ZCCHC2: variants seen among roughly 807,000 people sequenced by gnomAD.
The protein encoded by ZCCHC2 is zinc finger CCHC domain-containing protein 2.
Under a neutral mutation model 103.6 loss-of-function variants are expected in ZCCHC2, and 39 were observed. The ratio of observed to expected loss-of-function variants is 0.38; its 90% CI spans 0.29 to 0.49. The LOEUF is 0.49. Among genes scored for constraint, ZCCHC2 ranks in the 20% least tolerant of loss-of-function variants. ZCCHC2 has a pLI of 0.96. For missense variants in ZCCHC2, 1,483 were observed against 1,491.0 expected (o/e 0.99, Z 0.09); for synonymous variants, 687 against 608.9 (o/e 1.13, Z -1.89).
At chr18:62,540,544 A>G (rs1222665118) in intron 2 of ZCCHC2, among the ~76,000 whole-genome samples, 2 of 151,990 alleles carry the variant, frequency 1.3e-5, no homozygotes, top group Admixed American at 1.3e-4. Context: ...TTATATAATG[A>G]CCACTTCTAT....
intron 5 of ZCCHC2, 38 bp downstream of exon 5, chr18:62,550,498 C>A: frequency 6.5e-7 from 1 of 1,534,572 alleles, no homozygotes; most frequent in South Asian, 1.2e-5. Flanking sequence ...GCAGCATACA[C>A]ACAGGACAAA....
chr18:62,542,399 A>C (rs2145498023), intron 2 of ZCCHC2, 99 bp from the exon 3 acceptor site: 2 of 791,474 alleles, frequency 2.5e-6, no homozygotes, highest in East Asian at 2.7e-5. Flanking sequence ...TGAGTAGCTT[A>C]ATTGTTAAGC....
chr18:62,525,239 C>T (rs988252426), intron 1 of ZCCHC2: 1 of 152,204 alleles, frequency 6.6e-6, no homozygotes, highest in East Asian at 1.9e-4. Flanking sequence ...AGATGAGACA[C>T]TTGTCGCAAA....
chr18:62,577,385 C>T lies in ZCCHC2; in HGVS notation c.*806C>T, dbSNP rs1167833074. ...TTCAGAGAGACACAAAGTGAACACA[C>T]TGGTGTGAATGTCGCTCTCTGTGTG... On this transcript the variant is annotated 3_prime_UTR_variant, in exon 14 of 14. Transcript: ENST00000269499. 6 of 152,342 alleles carry T rather than the reference C, an allele frequency of 3.9e-5. No individual in the cohort carries two copies. The highest frequency in any genetic ancestry group is 1.4e-4 in the African/African-American group (6 of 41,564). 9.4% of individuals were successfully genotyped at this position (152,342 alleles called of 1,614,324 possible).
chr18:62,546,977 C>T (rs1915440433), intron 4 of ZCCHC2, among the ~76,000 whole-genome samples: 2 of 152,154 alleles, frequency 1.3e-5, no homozygotes, highest in South Asian at 4.1e-4. Context: ...TGATACTTTT[C>T]CAAGTTTACC....
chr18:62,567,537 C>T (rs953107569), intron 11 of ZCCHC2, among the ~76,000 whole-genome samples: 3 of 152,234 alleles, frequency 2.0e-5, no homozygotes, highest in African/African-American at 7.2e-5. Flanking sequence ...TGCCAGGACG[C>T]AGTCAGCGCC....
rs369578328 is a variant in ZCCHC2 at position 62,570,097 on chromosome 18, T to C, written c.1847-6T>C. On this transcript the variant is annotated splice_polypyrimidine_tract_variant and splice_region_variant and intron_variant, in intron 11 of 13. Transcript: ENST00000269499. ...TGATTTTTTAAAATAGTGTTGTTAT[T>C]TTTAGATGTGAATTTGGACATTGGC... 3.1e-6 allele frequency: 5 copies of C among 1,587,804 alleles called. No homozygotes were observed. The highest frequency in any genetic ancestry group is 4.3e-6 in the Non-Finnish European group (5 of 1,167,510).
chr18:62,567,289 CAT>C (rs1916410077), intron 11 of ZCCHC2, among the ~76,000 whole-genome samples: 1 of 152,136 alleles, frequency 6.6e-6, no homozygotes, highest in South Asian at 2.1e-4. Flanking sequence ...AACAACAGCT[CAT>C]ATCATAAATT....
chr18:62,539,864 A>T, intron 2 of ZCCHC2, 72 bp downstream of exon 2: 1 of 1,223,824 alleles, frequency 8.2e-7, no homozygotes, highest in Non-Finnish European at 1.2e-6. Context: ...TACGCTGATT[A>T]ACTCTAAACT....
intron 7 of ZCCHC2, 116 bp downstream of exon 7, chr18:62,558,886 C>T (rs1393780928): frequency 6.7e-6 from 4 of 597,178 alleles, no homozygotes; most frequent in Non-Finnish European, 1.1e-5. Context: ...GGTTGCATTA[C>T]AAATAAGTGG....
In ZCCHC2 at chr18:62,542,592, C is replaced by CA; in HGVS notation, c.1128+22dup. ...CTTTCAAAGTAAGCCATTTTCCCCACAAAAGATACCTCACGTGCTGTGCTC... is the reference window on the plus strand; with the variant it reads ...CTTTCAAAGTAAGCCATTTTCCCCACAAAAAGATACCTCACGTGCTGTGCTC... On this transcript the variant is annotated intron_variant, in intron 3 of 13. Coordinates refer to ENST00000269499, the MANE Select transcript of ZCCHC2 (RefSeq NM_017742.6). The CA allele has an allele frequency of 6.5e-7, 1 of 1,549,554 alleles. No individual in the cohort carries two copies.
intron 9 of ZCCHC2, among the ~76,000 whole-genome samples, chr18:62,563,690 A>C (rs1339963688): frequency 6.6e-6 from 1 of 152,228 alleles, no homozygotes; most frequent in East Asian, 1.9e-4. Flanking sequence ...TAAAAATTTT[A>C]AAAATAATAC....
downstream of ZCCHC2, chr18:62,581,994 A>G (rs1917048967): frequency 6.5e-6 from 1 of 155,022 alleles, no homozygotes; most frequent in South Asian, 1.8e-4. Context: ...GGCAGGAACA[A>G]AAACAGCAGT....
In ZCCHC2 at chr18:62,523,964, G is replaced by A; in HGVS notation, c.540G>A (p.Leu180=). ...GCCTCATCGTCTACCTGGCGCTGCT[G>A]GGCTCGGAGAACCGGGAGGCCGCTG... The part of the protein sequence containing the change: ...RSRLIVYLAL[L]GSENREAAGR... The change falls in exon 1 of 14, where the codon CTG becomes CTA. Residue 180 remains leucine (L), a synonymous_variant. Coordinates refer to ENST00000269499, the MANE Select transcript of ZCCHC2 (RefSeq NM_017742.6). The A allele has an allele frequency of 6.6e-7, 1 of 1,504,012 alleles. No homozygotes were observed. Among genetic ancestry groups the A allele is most frequent in the South Asian group, 1.3e-5 (1 of 79,732 alleles). The allele number at this position is 1,504,012 out of a possible 1,614,324, so 93.2% of individuals were successfully genotyped here.
At chr18:62,534,269 T>G (rs1034127459) in intron 1 of ZCCHC2, among the ~76,000 whole-genome samples, 1 of 151,128 alleles carries the variant, frequency 6.6e-6, no homozygotes, top group African/African-American at 2.4e-5. Context: ...GTGATTGCGT[T>G]GCTGTGCAAT....
chr18:62,559,086 T>C (rs546141710), intron 7 of ZCCHC2, among the ~76,000 whole-genome samples: 4 of 152,350 alleles, frequency 2.6e-5, no homozygotes, highest in Admixed American at 2.0e-4. Context: ...ACAACTTATA[T>C]GTAAAATGTA....
Position 62,524,260 on chromosome 18 carries a change from C to T in ZCCHC2, c.836C>T (p.Thr279Ile), listed in dbSNP as rs778911721. Residue 279 changes from threonine to isoleucine, a missense_variant, in exon 1 of 14, where the codon ACC becomes ATC. This residue lies in a region of ZCCHC2 where 568 missense variants were observed against 525.1 expected (regional missense o/e 1.08). Coordinates refer to ENST00000269499, the MANE Select transcript of ZCCHC2 (RefSeq NM_017742.6). ...GCTTTCTCCTTCCACCAGCGGGTCACCCTGAGGGAACACTTGGAGAGGCTC... is the reference window on the plus strand; with the variant it reads ...GCTTTCTCCTTCCACCAGCGGGTCATCCTGAGGGAACACTTGGAGAGGCTC... ...HPAFSFHQRV[T>I]LREHLERLRA... The T allele has an allele frequency of 6.6e-5, 102 of 1,550,008 alleles. No individual in the cohort carries two copies. The highest frequency in any genetic ancestry group is 8.3e-5 in the Non-Finnish European group (95 of 1,146,718).
At chr18:62,572,843 T>C (rs1028252039) in intron 12 of ZCCHC2, among the ~76,000 whole-genome samples, 1 of 152,238 alleles carries the variant, frequency 6.6e-6, no homozygotes, top group Non-Finnish European at 1.5e-5. Context: ...GGTGTGATGA[T>C]ACAGATAAAA....
At chr18:62,551,032 G>A (rs1915642076) in intron 5 of ZCCHC2, among the ~76,000 whole-genome samples, 1 of 152,224 alleles carries the variant, frequency 6.6e-6, no homozygotes, top group African/African-American at 2.4e-5. Flanking sequence ...CAGGCAAGGC[G>A]CGTCATTGGC....
Sources: gnomAD v4.1 joint callset for allele counts (sites outside exome capture counted in the v4.1 genomes callset) on GRCh38, gnomAD v4.1.1 for gene constraint, gnomAD v4.1.1 regional missense constraint, MANE v1.5 for transcripts, NCBI Gene and HGNC (gene_info 2026-07-23, HGNC 2026-07-21) for gene names.